EYS: variants seen among roughly 807,000 people sequenced by gnomAD.
The protein encoded by EYS is protein eyes shut homolog.
Under a neutral mutation model 282.1 loss-of-function variants are expected in EYS, and 250 were observed. That is an observed-to-expected ratio of 0.89 (90% CI 0.80 to 0.98). The LOEUF is 0.98. EYS is among the 50% of genes least tolerant of loss of function. The probability of loss-of-function intolerance (pLI) is 0.00; values close to 1 mark genes in which losing one functional copy is unlikely to be tolerated. For synonymous variants in EYS, 1,355 were observed against 1,282.9 expected, an observed-to-expected ratio of 1.06 and a Z score of -1.20; for missense variants, 4,016 against 3,709.0, an observed-to-expected ratio of 1.08 and a Z score of -2.15.
intron 13 of EYS, among the ~76,000 whole-genome samples, chr6:65,015,472 C>T (rs545993410): frequency 6.6e-6 from 1 of 152,120 alleles, no homozygotes; most frequent in East Asian, 1.9e-4. Context: ...TGAAAGCTTT[C>T]CTAAAAATGG....
At chr6:65,428,506 CA>C (rs1767749572) in intron 5 of EYS, among the ~76,000 whole-genome samples, 1 of 145,176 alleles carries the variant, frequency 6.9e-6, no homozygotes, top group African/African-American at 2.5e-5. Context: ...TCATTAAACT[CA>C]TTTTTTTTTT....
At chr6:64,846,352 C>T (rs1235321339) in intron 19 of EYS, among the ~76,000 whole-genome samples, 5 of 152,002 alleles carry the variant, frequency 3.3e-5, no homozygotes, top group East Asian at 1.9e-4. Context: ...ATACTGTTCA[C>T]GTTCTCAAGA....
intron 2 of EYS, among the ~76,000 whole-genome samples, chr6:65,573,381 T>C (rs2127354360): frequency 6.6e-6 from 1 of 152,158 alleles, no homozygotes; most frequent in East Asian, 1.9e-4. Flanking sequence ...ACAAGTCTGC[T>C]CTGCAAAGGA....
At chr6:65,346,156 T>C (rs1016925632) in intron 9 of EYS, among the ~76,000 whole-genome samples, 4 of 151,818 alleles carry the variant, frequency 2.6e-5, no homozygotes, top group African/African-American at 9.7e-5. Flanking sequence ...GTTGCCATCC[T>C]GCAACCCTGT....
At position 64,822,721 on chromosome 6, in the gene EYS, T is replaced by A. The variant is rs982589279; in HGVS notation, c.3094A>T (p.Ser1032Cys). 6 of 1,549,664 alleles carry A rather than the reference T, an allele frequency of 3.9e-6. No homozygotes were observed. Among genetic ancestry groups the A allele is most frequent in the Non-Finnish European group, 5.2e-6 (6 of 1,146,030 alleles). The change falls in exon 20 of 43, where the codon AGT becomes TGT. Residue 1032 changes from serine to cysteine, a missense_variant. Ser to Cys is a moderately radical substitution (Grantham distance 112). Transcript: ENST00000503581. ...TCACAGTGTGTTCCAAAAAACCCAC[T>A]CTTGCAGTCACAGGTATAATGATTG... ...GINHYTCDCK[S>C]GFFGTHCETN...
intron 26 of EYS, among the ~76,000 whole-genome samples, chr6:64,469,410 CATT>C (rs1458100538): frequency 2.6e-5 from 4 of 151,968 alleles, no homozygotes; most frequent in African/African-American, 9.7e-5. Flanking sequence ...TATAATTAAT[CATT>C]AGTTAGTAGT....
intron 19 of EYS, among the ~76,000 whole-genome samples, chr6:64,840,378 G>GT (rs768565580): frequency 3.3e-5 from 5 of 152,088 alleles, no homozygotes; most frequent in Non-Finnish European, 7.4e-5. Flanking sequence ...GTGCTCTGCA[G>GT]TTCTAATAGA....
chr6:64,741,426 C>T (rs992455877), intron 22 of EYS, among the ~76,000 whole-genome samples: 5 of 152,076 alleles, frequency 3.3e-5, no homozygotes, highest in South Asian at 2.1e-4. Flanking sequence ...AAGGGCCTTA[C>T]GATTTTTGGA....
intron 29 of EYS, among the ~76,000 whole-genome samples, chr6:64,355,137 T>C (rs1388599215): frequency 6.6e-6 from 1 of 151,586 alleles, no homozygotes; most frequent in African/African-American, 2.4e-5. Flanking sequence ...CAAACTAAAA[T>C]CAATACAGAA....
chr6:65,110,346 G>C (rs1210193534), intron 12 of EYS, among the ~76,000 whole-genome samples: 2 of 152,076 alleles, frequency 1.3e-5, no homozygotes, highest in Admixed American at 1.3e-4. Context: ...TTCTTTGAAA[G>C]TAGTTTTGAA....
At chr6:63,892,114 T>C (rs1297532050) in intron 35 of EYS, among the ~76,000 whole-genome samples, 1 of 152,232 alleles carries the variant, frequency 6.6e-6, no homozygotes, top group East Asian at 1.9e-4. Flanking sequence ...TCCATGCTCA[T>C]GCACGGGAAT....
chr6:63,859,631 A>C (rs1581903606), intron 36 of EYS, among the ~76,000 whole-genome samples: 1 of 151,306 alleles, frequency 6.6e-6, no homozygotes, highest in African/African-American at 2.4e-5. Flanking sequence ...AATAAATGCT[A>C]CTGCCACCAG....
chr6:63,871,256 G>GTT (rs1772796192), intron 35 of EYS, among the ~76,000 whole-genome samples: 1 of 152,188 alleles, frequency 6.6e-6, no homozygotes, highest in South Asian at 2.1e-4. Context: ...ATTGGCAATA[G>GTT]ACATTGAAAC....
chr6:65,705,138 G>C (rs1349935032), intron 1 of EYS, among the ~76,000 whole-genome samples: 1 of 152,116 alleles, frequency 6.6e-6, no homozygotes, highest in Non-Finnish European at 1.5e-5. Flanking sequence ...CACCATAAAA[G>C]TTACTATGAG....
At chr6:64,299,339 A>T (rs1769147773) in intron 30 of EYS, among the ~76,000 whole-genome samples, 1 of 152,208 alleles carries the variant, frequency 6.6e-6, no homozygotes, top group African/African-American at 2.4e-5. Flanking sequence ...AGCTAGTCAG[A>T]GTGTGCATGC....
At chr6:64,596,495 T>G (rs1420833072) in intron 24 of EYS, among the ~76,000 whole-genome samples, 4 of 152,178 alleles carry the variant, frequency 2.6e-5, no homozygotes, top group Non-Finnish European at 5.9e-5. Flanking sequence ...TAAAGCAGCA[T>G]GGCATTGGTA....
intron 5 of EYS, among the ~76,000 whole-genome samples, chr6:65,435,021 ATAAT>A (rs769205141): frequency 3.7e-4 from 56 of 152,056 alleles, no homozygotes; most frequent in Non-Finnish European, 6.8e-4. Context: ...AGTATATTAA[ATAAT>A]TAATAGATGA....
intron 36 of EYS, among the ~76,000 whole-genome samples, chr6:63,843,644 C>T (rs1360259915): frequency 6.6e-6 from 1 of 152,178 alleles, no homozygotes; most frequent in African/African-American, 2.4e-5. Context: ...CAGTCAGTAT[C>T]ATACTGAATG....
chr6:64,838,834 G>T (rs1185445334), intron 19 of EYS, among the ~76,000 whole-genome samples: 2 of 151,772 alleles, frequency 1.3e-5, no homozygotes, highest in Non-Finnish European at 2.9e-5. Flanking sequence ...TTTGTTTAAT[G>T]CCTGACTTGG....
Sources: gnomAD v4.1 joint callset for allele counts (sites outside exome capture counted in the v4.1 genomes callset) on GRCh38, gnomAD v4.1.1 for gene constraint, MANE v1.5 for transcripts, NCBI Gene and HGNC (gene_info 2026-07-23, HGNC 2026-07-21) for gene names.